ZMYM2: variants seen among roughly 807,000 people sequenced by gnomAD.
The protein encoded by ZMYM2 is zinc finger MYM-type protein 2.
Under a neutral mutation model 162.8 loss-of-function variants are expected in ZMYM2, and 56 were observed. The observed-to-expected ratio is 0.34, with a 90% CI of 0.28 to 0.43. The LOEUF (loss-of-function observed/expected upper bound fraction) is 0.43, where lower values mean the gene tolerates loss of function less well. ZMYM2 is among the 20% of genes least tolerant of loss of function. The probability of loss-of-function intolerance (pLI) is 1.00; values close to 1 mark genes in which losing one functional copy is unlikely to be tolerated. For synonymous variants in ZMYM2, 510 were observed against 541.6 expected (o/e 0.94, Z 0.81); for missense variants, 1,275 against 1,621.8 (o/e 0.79, Z 3.67).
At chr13:19,950,579 G>A in the ZMYM2 span, among the ~76,000 whole-genome samples, 2 of 152,158 alleles carry the variant, frequency 1.3e-5, no homozygotes, top group Non-Finnish European at 2.9e-5. Context: ...CCTCATTTCT[G>A]TTTTCTTTAA....
At position 20,068,505 on chromosome 13, in the gene ZMYM2, T is replaced by C. The variant is rs1956845135; in HGVS notation, c.3453+1115T>C. On this transcript the variant is annotated intron_variant, in intron 21 of 24. Transcript: ENST00000610343. ...TCTAGGAATATTAATGTATTATAATTATGTACATGCCCTGTTTCCCCTGTA... is the reference window on the plus strand; with the variant it reads ...TCTAGGAATATTAATGTATTATAATCATGTACATGCCCTGTTTCCCCTGTA... 4.6e-5 allele frequency among the ~76,000 whole-genome samples: 7 copies of C among 152,294 alleles called. No individual in the cohort carries two copies. In the South Asian group the frequency reaches 1.4e-3, roughly 32 times the overall value.
the ZMYM2 span, among the ~76,000 whole-genome samples, chr13:19,884,355 C>CA: frequency 1.3e-5 from 2 of 152,262 alleles, no homozygotes; most frequent in Middle Eastern, 6.8e-3. Context: ...GCAGAAAAAG[C>CA]ACGACGTCAG....
intron 6 of ZMYM2, among the ~76,000 whole-genome samples, chr13:20,010,224 C>G (rs1234785565): frequency 6.6e-6 from 1 of 152,116 alleles, no homozygotes; most frequent in Non-Finnish European, 1.5e-5. Context: ...GAGACAGAGT[C>G]TCGCTCTGTT....
At chr13:19,937,832 T>C in the ZMYM2 span, among the ~76,000 whole-genome samples, 12,022 of 134,362 alleles carry the variant, frequency 0.089, 617 homozygotes, top group African/African-American at 0.13. Context: ...TGTTCCCCTT[T>C]CTGTGTCCAC....
At chr13:20,045,867 TTTG>T (rs1417661592) in intron 12 of ZMYM2, among the ~76,000 whole-genome samples, 1 of 152,128 alleles carries the variant, frequency 6.6e-6, no homozygotes, top group Non-Finnish European at 1.5e-5. Context: ...GGAGGATTTT[TTTG>T]TTGTTGTTCA....
chr13:19,985,471 G>A lies in ZMYM2; in HGVS notation c.-10-7592G>A, dbSNP rs145429265. On this transcript the variant is annotated intron_variant, in intron 2 of 24. Coordinates refer to ENST00000610343, the MANE Select transcript of ZMYM2 (RefSeq NM_197968.4). The stretch of plus-strand genomic sequence containing the variant: ...CATTGTAGGTTGGTACTTTGGGCTT[G>A]CTGTTTCTTTTGAAGCTTGTGTATT... 1.1e-3 allele frequency among the ~76,000 whole-genome samples: 169 copies of A among 152,240 alleles called. 1 individual carries two copies. In the Middle Eastern group the frequency reaches 0.017, roughly 15 times the overall value.
chr13:20,080,370 A>G (rs142011481), intron 21 of ZMYM2, among the ~76,000 whole-genome samples: 1 of 152,302 alleles, frequency 6.6e-6, no homozygotes, highest in East Asian at 1.9e-4. Context: ...TAGTGTATAC[A>G]TGGTGTACAT....
At position 20,025,561 on chromosome 13, in the gene ZMYM2, A is replaced by G. The variant is rs1293939142; in HGVS notation, c.1585-1051A>G. 8 of 159,432 alleles carry G rather than the reference A, an allele frequency of 5.0e-5. No homozygotes were observed. The East Asian group carries it at 6.1e-4, about 12-fold the overall frequency. The allele number at this position is 159,432 out of a possible 1,614,324, so 9.9% of individuals were successfully genotyped here. A position where few individuals can be genotyped will look rare whatever the true frequency, so the allele number is the denominator to read the frequency against. On this transcript the variant is annotated intron_variant, in intron 7 of 24. Coordinates refer to ENST00000610343, the MANE Select transcript of ZMYM2 (RefSeq NM_197968.4). Reference sequence around the variant, plus strand: ...GGCTGGTCTCAAACTCCTGGGCTCAAGCATTCCACCTCCCTAGGCTTCCCG... The same window carrying G: ...GGCTGGTCTCAAACTCCTGGGCTCAGGCATTCCACCTCCCTAGGCTTCCCG...
Position 20,067,273 on chromosome 13 carries a change from T to C in ZMYM2, c.3336T>C (p.Ser1112=). ...TAAAGTTAAAAGAGGATCTACTCTC[T>C]CACACCACAGCTGAGCTTAACTATG... ...KSVKLKEDLL[S]HTTAELNYGL... The change falls in exon 21 of 25, where the codon TCT becomes TCC. Residue 1112 remains serine (S), a synonymous_variant. Coordinates refer to ENST00000610343, the MANE Select transcript of ZMYM2 (RefSeq NM_197968.4). The C allele has an allele frequency of 6.3e-7, 1 of 1,579,544 alleles. No individual in the cohort carries two copies. The highest frequency in any genetic ancestry group is 1.3e-5 in the African/African-American group (1 of 74,400).
the ZMYM2 span, among the ~76,000 whole-genome samples, chr13:19,890,091 T>C: frequency 6.6e-6 from 1 of 151,978 alleles, no homozygotes; most frequent in South Asian, 2.1e-4. Flanking sequence ...TAGATATCCC[T>C]GTTTTTGAGA....
chr13:19,906,385 ATATG>A, the ZMYM2 span, among the ~76,000 whole-genome samples: 1 of 144,060 alleles, frequency 6.9e-6, no homozygotes, highest in Non-Finnish European at 1.5e-5. Flanking sequence ...ATGTGTATAT[ATATG>A]TATGTGTGTA....
chr13:19,988,690 G>A (rs935040710), intron 2 of ZMYM2, among the ~76,000 whole-genome samples: 121 of 152,300 alleles, frequency 7.9e-4, no homozygotes, highest in African/African-American at 2.9e-3. Flanking sequence ...GGCTGAGGCA[G>A]GAGAAGTGCT....
the ZMYM2 span, among the ~76,000 whole-genome samples, chr13:19,950,836 A>G: frequency 6.6e-6 from 1 of 152,188 alleles, no homozygotes; most frequent in Non-Finnish European, 1.5e-5. Flanking sequence ...TATTGATGGG[A>G]AGGATCTTGG....
At chr13:20,043,656 C>T (rs1329363381) in intron 12 of ZMYM2, among the ~76,000 whole-genome samples, 4 of 147,878 alleles carry the variant, frequency 2.7e-5, no homozygotes, top group Non-Finnish European at 5.9e-5. Flanking sequence ...GTGGTGGGGG[C>T]GGGGCTGACT....
chr13:19,932,609 G>A, the ZMYM2 span, among the ~76,000 whole-genome samples: 1 of 151,616 alleles, frequency 6.6e-6, no homozygotes, highest in Non-Finnish European at 1.5e-5. Flanking sequence ...TCATAGCATT[G>A]CACTCCAGCC....
intron 19 of ZMYM2, among the ~76,000 whole-genome samples, chr13:20,066,182 C>T (rs561116041): frequency 4.6e-5 from 7 of 152,292 alleles, no homozygotes; most frequent in African/African-American, 1.7e-4. Flanking sequence ...TTTCATGACA[C>T]ATTAAACAAA....
chr13:19,908,329 G>C, the ZMYM2 span, among the ~76,000 whole-genome samples: 3 of 151,752 alleles, frequency 2.0e-5, no homozygotes, highest in African/African-American at 7.3e-5. Context: ...ATGGTTTCAC[G>C]GTGAGCCAGG....
intron 21 of ZMYM2, among the ~76,000 whole-genome samples, chr13:20,080,382 T>C (rs998056635): frequency 6.6e-6 from 1 of 152,208 alleles, no homozygotes; most frequent in African/African-American, 2.4e-5. Context: ...GGTGTACATT[T>C]TTTCTTTTAC....
chr13:19,913,999 G>T, the ZMYM2 span, among the ~76,000 whole-genome samples: 2 of 152,196 alleles, frequency 1.3e-5, no homozygotes, highest in African/African-American at 4.8e-5. Flanking sequence ...CCAGTGGGCA[G>T]AATTACCAGT....
Sources: gnomAD v4.1 joint callset for allele counts (sites outside exome capture counted in the v4.1 genomes callset) on GRCh38, gnomAD v4.1.1 for gene constraint, MANE v1.5 for transcripts, NCBI Gene and HGNC (gene_info 2026-07-23, HGNC 2026-07-21) for gene names.